The following DPP10 variants were observed in gnomAD, a reference collection of about 807,000 sequenced individuals.
DPP10 encodes the protein dipeptidyl peptidase like 10, also known as inactive dipeptidyl peptidase 10.
Under a neutral mutation model 120.9 loss-of-function variants are expected in DPP10, and 33 were observed. That is an observed-to-expected ratio of 0.27 (90% CI 0.21 to 0.37). The LOEUF (loss-of-function observed/expected upper bound fraction) is 0.37. DPP10 is among the 10% of genes least tolerant of loss of function. The pLI is 1.00. For missense variants in DPP10, 816 were observed against 942.8 expected (o/e 0.87, Z 1.76); for synonymous variants, 337 against 326.1 (o/e 1.03, Z -0.36).
intron 1 of DPP10, among the ~76,000 whole-genome samples, chr2:115,115,740 GT>G (rs2049470370): frequency 6.6e-6 from 1 of 152,114 alleles, no homozygotes; most frequent in Non-Finnish European, 1.5e-5. Flanking sequence ...CTGGTGGTGT[GT>G]TTTATGGTGT....
chr2:115,508,334 A>G (rs1271554590), intron 4 of DPP10, among the ~76,000 whole-genome samples: 1 of 134,016 alleles, frequency 7.5e-6, no homozygotes, highest in African/African-American at 2.5e-5. Context: ...TGAAGATACA[A>G]TAGAAAATAG....
At chr2:114,720,083 G>A (rs1350350806) in intron 1 of DPP10, among the ~76,000 whole-genome samples, 1 of 152,124 alleles carries the variant, frequency 6.6e-6, no homozygotes, top group Non-Finnish European at 1.5e-5. Flanking sequence ...GTTTTTGGTA[G>A]GTTCAGACTT....
intron 1 of DPP10, among the ~76,000 whole-genome samples, chr2:114,590,548 C>T (rs955110974): frequency 1.3e-5 from 2 of 152,162 alleles, no homozygotes; most frequent in African/African-American, 4.8e-5. Flanking sequence ...TTTCTTAAGT[C>T]TATACTAACA....
chr2:115,663,301 T>A (rs1025929640), intron 5 of DPP10, among the ~76,000 whole-genome samples: 2 of 152,214 alleles, frequency 1.3e-5, no homozygotes, highest in Non-Finnish European at 2.9e-5. Flanking sequence ...CCTATATTCT[T>A]CAGCAATGTA....
intron 1 of DPP10, among the ~76,000 whole-genome samples, chr2:115,108,829 G>A (rs2049073815): frequency 6.6e-6 from 1 of 152,152 alleles, no homozygotes; most frequent in Non-Finnish European, 1.5e-5. Context: ...CATGATCAGT[G>A]AAAGAGAAGT....
chr2:115,473,262 G>A (rs1479121628), intron 3 of DPP10, among the ~76,000 whole-genome samples: 1 of 152,022 alleles, frequency 6.6e-6, no homozygotes, highest in Non-Finnish European at 1.5e-5. Context: ...TTTGAGCCAG[G>A]GTTAGTAAGT....
At chr2:115,036,928 C>G (rs1029574841) in intron 1 of DPP10, among the ~76,000 whole-genome samples, 1 of 152,128 alleles carries the variant, frequency 6.6e-6, no homozygotes, top group African/African-American at 2.4e-5. Flanking sequence ...CTCACTTTTT[C>G]AGGCCTCAGG....
intron 1 of DPP10, among the ~76,000 whole-genome samples, chr2:114,858,716 GAAT>G (rs1272415049): frequency 1.3e-5 from 2 of 151,956 alleles, no homozygotes; most frequent in Non-Finnish European, 2.9e-5. Flanking sequence ...ATAATATATA[GAAT>G]AATATTAGTA....
intron 5 of DPP10, among the ~76,000 whole-genome samples, chr2:115,652,686 T>C (rs2087906417): frequency 6.6e-6 from 1 of 151,850 alleles, no homozygotes; most frequent in Non-Finnish European, 1.5e-5. Flanking sequence ...AAGACTGATG[T>C]ACCATTTCGA....
At chr2:114,507,899 G>T (rs964651269) in intron 1 of DPP10, among the ~76,000 whole-genome samples, 1 of 152,160 alleles carries the variant, frequency 6.6e-6, no homozygotes, top group African/African-American at 2.4e-5. Flanking sequence ...TTTATTAGTG[G>T]TAATCATGTA....
intron 1 of DPP10, among the ~76,000 whole-genome samples, chr2:114,940,572 A>AT (rs2104563511): frequency 6.6e-6 from 1 of 151,754 alleles, no homozygotes; most frequent in East Asian, 1.9e-4. Context: ...AAAAAAAAAA[A>AT]TGGTGTTTTA....
At chr2:114,553,157 C>A (rs1012324780) in intron 1 of DPP10, among the ~76,000 whole-genome samples, 1 of 152,170 alleles carries the variant, frequency 6.6e-6, no homozygotes, top group Admixed American at 6.5e-5. Flanking sequence ...GTTGGAATTG[C>A]TGTACATCAC....
intron 5 of DPP10, among the ~76,000 whole-genome samples, chr2:115,654,888 G>A (rs112148574): frequency 0.063 from 9,493 of 151,794 alleles, 324 homozygotes; most frequent in South Asian, 0.08. Context: ...CAGGGATAGA[G>A]AAAGCTGTCT....
At chr2:115,704,512 T>C (rs2092022607) in intron 7 of DPP10, among the ~76,000 whole-genome samples, 1 of 152,008 alleles carries the variant, frequency 6.6e-6, no homozygotes, top group Admixed American at 6.6e-5. Flanking sequence ...CCTCCTTTTT[T>C]GTAAAATTTA....
chr2:115,199,152 A>C (rs939680213), intron 1 of DPP10, among the ~76,000 whole-genome samples: 4 of 152,162 alleles, frequency 2.6e-5, no homozygotes, highest in Admixed American at 6.5e-5. Flanking sequence ...TAATTTAATA[A>C]AACCTGTAAT....
chr2:115,484,379 A>G (rs1026698053), intron 3 of DPP10, among the ~76,000 whole-genome samples: 3 of 152,092 alleles, frequency 2.0e-5, no homozygotes, highest in Admixed American at 1.3e-4. Context: ...CATCCAGAAA[A>G]TAACTTCTTT....
intron 1 of DPP10, among the ~76,000 whole-genome samples, chr2:115,201,300 T>TA (rs2055696132): frequency 6.6e-6 from 1 of 151,950 alleles, no homozygotes. Context: ...CCATCTGTAC[T>TA]AAAAATACAA....
At chr2:114,520,253 T>C (rs1050106265) in intron 1 of DPP10, among the ~76,000 whole-genome samples, 26 of 152,370 alleles carry the variant, frequency 1.7e-4, no homozygotes, top group African/African-American at 6.0e-4. Flanking sequence ...AAGTGTGTTT[T>C]TCTCCATTTC....
Position 115,816,140 on chromosome 2 carries a change from T to C in DPP10, c.1950+411T>C, listed in dbSNP as rs114567616. Among the ~76,000 whole-genome samples the C allele has an allele frequency of 9.1e-3, 1,380 of 152,104 alleles. 6 individuals carry two copies. The highest frequency in any genetic ancestry group is 0.034 in the Middle Eastern group (10 of 294). On this transcript the variant is annotated intron_variant, in intron 21 of 25. Coordinates refer to ENST00000410059, the MANE Select transcript of DPP10 (RefSeq NM_020868.6). ...GAAGTAGAACAACAACAGGACAAAA[T>C]GGGGCTTTGTTTTCATGAAGCTTGT...
Sources: gnomAD v4.1 joint callset for allele counts (sites outside exome capture counted in the v4.1 genomes callset) on GRCh38, gnomAD v4.1.1 for gene constraint, MANE v1.5 for transcripts, NCBI Gene and HGNC (gene_info 2026-07-23, HGNC 2026-07-21) for gene names.